The following ITGAV variants were observed in gnomAD, a reference collection of about 807,000 sequenced individuals.
ITGAV encodes the protein integrin alpha-V.
ITGAV carries 76 observed loss-of-function variants against 143.8 expected under a neutral mutation model. The ratio of observed to expected loss-of-function variants is 0.53; its 90% CI spans 0.44 to 0.64. The LOEUF is 0.64. Ranked by LOEUF, ITGAV falls within the 30% of genes least tolerant of loss-of-function variation. The pLI is 0.00. For synonymous variants in ITGAV, 453 were observed against 446.7 expected (o/e 1.01, Z -0.18); for missense variants, 1,193 against 1,274.7 (o/e 0.94, Z 0.98).
chr2:186,593,655 C>T (rs1370029250), intron 1 of ITGAV, among the ~76,000 whole-genome samples: 1 of 151,872 alleles, frequency 6.6e-6, no homozygotes, highest in Non-Finnish European at 1.5e-5. Context: ...TTGCTAAGCA[C>T]TTATATCTCA....
intron 1 of ITGAV, among the ~76,000 whole-genome samples, chr2:186,590,985 C>G (rs1686600792): frequency 6.6e-6 from 1 of 152,160 alleles, no homozygotes; most frequent in Non-Finnish European, 1.5e-5. Context: ...AAGCCCTCCC[C>G]CACTCTTTCC....
At chr2:186,631,385 A>G (rs1283745133) in intron 5 of ITGAV, among the ~76,000 whole-genome samples, 2 of 152,194 alleles carry the variant, frequency 1.3e-5, no homozygotes, top group African/African-American at 2.4e-5. Flanking sequence ...ATTTTTAACT[A>G]AATTAATATT....
At chr2:186,613,721 C>T (rs10176423) in intron 2 of ITGAV, among the ~76,000 whole-genome samples, 1 of 152,066 alleles carries the variant, frequency 6.6e-6, no homozygotes. Flanking sequence ...GTTAATAGTA[C>T]TAGTTCTAAT....
intron 1 of ITGAV, among the ~76,000 whole-genome samples, chr2:186,601,304 A>T (rs1226987166): frequency 6.6e-6 from 1 of 151,966 alleles, no homozygotes; most frequent in Non-Finnish European, 1.5e-5. Flanking sequence ...GAAAATTTAA[A>T]AAAAAAATTA....
At chr2:186,676,073 A>G (rs1020200176) in intron 28 of ITGAV, 146 bp downstream of exon 28, 1 of 599,338 alleles carries the variant, frequency 1.7e-6, no homozygotes, top group South Asian at 2.3e-5. Context: ...AACCTAGTTT[A>G]ATATTATCAT....
At chr2:186,598,421 T>G (rs1011141723) in intron 1 of ITGAV, among the ~76,000 whole-genome samples, 1 of 148,262 alleles carries the variant, frequency 6.7e-6, no homozygotes, top group Admixed American at 6.8e-5. Context: ...AGGTGGGGAC[T>G]CTCTTACTCA....
chr2:186,656,794 TAAG>T (rs1467184900), intron 17 of ITGAV, among the ~76,000 whole-genome samples: 3 of 152,022 alleles, frequency 2.0e-5, no homozygotes, highest in Non-Finnish European at 4.4e-5. Context: ...GGATGAAGCC[TAAG>T]GAGAGGGCAG....
At chr2:186,603,984 C>T (rs1178213193) in intron 2 of ITGAV, among the ~76,000 whole-genome samples, 2 of 151,934 alleles carry the variant, frequency 1.3e-5, no homozygotes, top group Non-Finnish European at 2.9e-5. Context: ...CCCACCTCAG[C>T]CCCACGAGGA....
chr2:186,628,639 AC>A (rs1687740158), intron 4 of ITGAV, among the ~76,000 whole-genome samples: 1 of 152,270 alleles, frequency 6.6e-6, no homozygotes, highest in East Asian at 1.9e-4. Flanking sequence ...TGTCAAATCA[AC>A]AATATACTTA....
At chr2:186,671,130 C>A (rs943828419) in intron 26 of ITGAV, among the ~76,000 whole-genome samples, 7 of 152,150 alleles carry the variant, frequency 4.6e-5, no homozygotes, top group Non-Finnish European at 1.0e-4. Flanking sequence ...TTGCCAGACC[C>A]CTGGTTGGCC....
intron 26 of ITGAV, chr2:186,670,063 C>T (rs538682425): frequency 4.8e-5 from 20 of 420,436 alleles, no homozygotes; most frequent in African/African-American, 3.3e-4. Flanking sequence ...TACTCTAGTT[C>T]TTTAACTGTC....
At chr2:186,667,891 T>C (rs1480377215) in intron 24 of ITGAV, 115 bp downstream of exon 24, 2 of 483,182 alleles carry the variant, frequency 4.1e-6, no homozygotes, top group Non-Finnish European at 7.4e-6. Flanking sequence ...TCTACATTGG[T>C]TAAGTATGTG....
intron 18 of ITGAV, among the ~76,000 whole-genome samples, chr2:186,661,310 A>G (rs1026093971): frequency 2.0e-5 from 3 of 152,220 alleles, no homozygotes; most frequent in Non-Finnish European, 4.4e-5. Flanking sequence ...TTCTAAACAT[A>G]CTAAAAGTTT....
intron 24 of ITGAV, 58 bp from the exon 25 acceptor site, chr2:186,668,704 A>G (rs1688981797): frequency 1.4e-6 from 2 of 1,457,798 alleles, no homozygotes; most frequent in Non-Finnish European, 1.9e-6. Context: ...ATGTAGGGGA[A>G]GGATTATGGA....
Position 186,680,103 on chromosome 2 carries a change from A to T in ITGAV, c.*2811A>T, listed in dbSNP as rs983339790. ...AGTTGGCAGATCTTCCTAAGTTGCAAAATGTAATGATGAGCTTGGTGGAGA... is the reference window on the plus strand; with the variant it reads ...AGTTGGCAGATCTTCCTAAGTTGCATAATGTAATGATGAGCTTGGTGGAGA... On this transcript the variant is annotated 3_prime_UTR_variant, in exon 30 of 30. Coordinates refer to ENST00000261023, the MANE Select transcript of ITGAV (RefSeq NM_002210.5). 2.0e-5 allele frequency: 3 copies of T among 152,154 alleles called. No homozygotes were observed. Among genetic ancestry groups the T allele is most frequent in the Admixed American group, 2.0e-4 (3 of 15,266 alleles). The allele number at this position is 152,154 out of a possible 1,614,324, so 9.4% of individuals were successfully genotyped here. A position where few individuals can be genotyped will look rare whatever the true frequency, so the allele number is the denominator to read the frequency against.
At chr2:186,674,675 C>A (rs928174663) in intron 26 of ITGAV, among the ~76,000 whole-genome samples, 3 of 151,968 alleles carry the variant, frequency 2.0e-5, no homozygotes, top group Non-Finnish European at 2.9e-5. Context: ...TCACGCCTGG[C>A]TAATTTTTGT....
intron 3 of ITGAV, among the ~76,000 whole-genome samples, chr2:186,623,107 C>G (rs184237411): frequency 1.2e-3 from 180 of 152,220 alleles, no homozygotes; most frequent in Non-Finnish European, 2.2e-3. Context: ...ACCTCATCTC[C>G]CCCTATGCCA....
At chr2:186,665,098 T>G in intron 20 of ITGAV, 28 bp from the exon 21 acceptor site, 1 of 107,932 alleles carries the variant, frequency 9.3e-6, no homozygotes, top group Non-Finnish European at 1.1e-5. Context: ...TCATATCCAT[T>G]TTTTTTTTTT....
chr2:186,670,284 A>G (rs932970820), intron 26 of ITGAV, among the ~76,000 whole-genome samples: 1 of 147,628 alleles, frequency 6.8e-6, no homozygotes, highest in Non-Finnish European at 1.5e-5. Context: ...AGAACCTGGT[A>G]TAGTGTTTTT....
Sources: allele counts gnomAD v4.1 joint callset (sites outside exome capture counted in the v4.1 genomes callset), GRCh38; gene constraint gnomAD v4.1.1; transcripts MANE v1.5; gene names NCBI Gene and HGNC (gene_info 2026-07-23, HGNC 2026-07-21).